The following SYT16 variants were observed in gnomAD, a reference collection of about 807,000 sequenced individuals.
SYT16 encodes the protein synaptotagmin-16.
Under a neutral mutation model 61.4 loss-of-function variants are expected in SYT16, and 42 were observed. The observed-to-expected ratio is 0.68, with a 90% confidence interval of 0.53 to 0.89. The LOEUF is 0.89. Among genes scored for constraint, SYT16 ranks in the 40% least tolerant of loss-of-function variants. SYT16 has a pLI of 0.00. For missense variants in SYT16, 804 were observed against 807.3 expected (o/e 1.00, Z 0.05); for synonymous variants, 314 against 302.3 (o/e 1.04, Z -0.40).
chr14:61,835,276 G>C (rs1247157708), intron 1 of SYT16, among the ~76,000 whole-genome samples: 1 of 24,750 alleles, frequency 4.0e-5, no homozygotes, highest in Admixed American at 3.9e-4. Flanking sequence ...TTTTTTTTTT[G>C]AGACAGAGTC....
At chr14:62,034,954 G>A (rs2054451867) in intron 3 of SYT16, among the ~76,000 whole-genome samples, 2 of 152,180 alleles carry the variant, frequency 1.3e-5, no homozygotes, top group South Asian at 4.1e-4. Context: ...AAGTTTTTCT[G>A]TCTGAGGGTG....
intron 1 of SYT16, chr14:61,864,981 C>G: frequency 7.2e-7 from 1 of 1,382,716 alleles, no homozygotes; most frequent in Non-Finnish European, 1.0e-6. Context: ...AGTCTGGGCC[C>G]CTCTTACAGT....
At chr14:62,012,010 A>C (rs1184744476) in intron 3 of SYT16, among the ~76,000 whole-genome samples, 2 of 117,054 alleles carry the variant, frequency 1.7e-5, no homozygotes, top group East Asian at 7.8e-4. Context: ...TTAAAAAAAA[A>C]ACAACCTCTC....
At chr14:62,010,782 T>G (rs1236708750) in intron 3 of SYT16, among the ~76,000 whole-genome samples, 1 of 152,124 alleles carries the variant, frequency 6.6e-6, no homozygotes, top group Non-Finnish European at 1.5e-5. Flanking sequence ...AAGCAGTATC[T>G]TCTTAAGCTG....
Position 62,069,618 on chromosome 14 carries a change from A to G in SYT16, c.539A>G (p.Asp180Gly). 6.2e-7 allele frequency: 1 copy of G among 1,613,856 alleles called. No homozygotes were observed. Among genetic ancestry groups the G allele is most frequent in the Non-Finnish European group, 8.5e-7 (1 of 1,179,830 alleles). ...TTACTCCCAGTCAACAGCTTTGGGG[A>G]TGACGAAGAGCTGTCCACATCTTCT... ...NGKKQVNSFG[D>G]DEELSTSSDS... The change falls in exon 4 of 8, where the codon GAT (aspartate) becomes GGT (glycine). Residue 180 changes from aspartate to glycine, a missense_variant. Physicochemically the swap from Asp to Gly is moderately conservative, Grantham distance 94. Coordinates refer to ENST00000683842, the MANE Select transcript of SYT16 (RefSeq NM_001367656.1).
chr14:61,814,365 T>C (rs907105898), intron 1 of SYT16, among the ~76,000 whole-genome samples: 7 of 152,200 alleles, frequency 4.6e-5, no homozygotes, highest in Non-Finnish European at 7.3e-5. Flanking sequence ...GATTTGGCCT[T>C]ATTGTGTTAT....
chr14:61,935,135 G>A (rs2049926783), intron 1 of SYT16, among the ~76,000 whole-genome samples: 1 of 151,900 alleles, frequency 6.6e-6, no homozygotes. Context: ...ATTTTACTTG[G>A]GGGCGGCACT....
rs529758498 is a variant in SYT16, at chr14:62,100,563, G to T, written c.1794G>T (p.Arg598Ser). ...CGTTGATGATTTCCGTTTATAACAG[G>T]CGTACTATGAAGCGTAAAGAGATGA... Reference protein sequence around the residue: ...DVTLMISVYNRRTMKRKEMIG... With the variant: ...DVTLMISVYNSRTMKRKEMIG... Residue 598 changes from arginine to serine, a missense_variant, in exon 8 of 8, where the codon AGG becomes AGT. Transcript: ENST00000683842. 6.8e-6 allele frequency: 11 copies of T among 1,613,690 alleles called. No individual in the cohort carries two copies. The highest frequency in any genetic ancestry group is 8.5e-6 in the Non-Finnish European group (10 of 1,179,832).
intron 3 of SYT16, among the ~76,000 whole-genome samples, chr14:62,019,544 A>G (rs117230046): frequency 0.01 from 1,561 of 152,322 alleles, 14 homozygotes; most frequent in Non-Finnish European, 0.015. Flanking sequence ...CAGAATTAGG[A>G]TGAAACAAGC....
At chr14:61,874,550 A>G (rs184035027) in intron 1 of SYT16, among the ~76,000 whole-genome samples, 5 of 152,334 alleles carry the variant, frequency 3.3e-5, no homozygotes, top group African/African-American at 1.2e-4. Flanking sequence ...TTCTTGTGTC[A>G]TCACACGTTT....
At chr14:61,908,221 CA>C (rs2048799079) in intron 1 of SYT16, among the ~76,000 whole-genome samples, 1 of 152,216 alleles carries the variant, frequency 6.6e-6, no homozygotes, top group African/African-American at 2.4e-5. Flanking sequence ...GGTGAACTCA[CA>C]AAGTGTTCCC....
At position 62,081,295 on chromosome 14, in the gene SYT16, T is replaced by C. The variant is rs565864792; in HGVS notation, c.1434+21T>C. ...TAAGCGTGAGTATGTTAAATGGTGC[T>C]GCTAATGATGTGGTGTGTTCGAAGA... On this transcript the variant is annotated intron_variant, in intron 6 of 7. Coordinates refer to ENST00000683842, the MANE Select transcript of SYT16 (RefSeq NM_001367656.1). 3 of 1,601,572 alleles carry C rather than the reference T, an allele frequency of 1.9e-6. No homozygotes were observed. In the East Asian group the frequency reaches 6.7e-5, roughly 36 times the overall value.
rs141952715 is a variant in SYT16 at position 61,823,963 on chromosome 14, C to T, written c.-325+11153C>T. Among the ~76,000 whole-genome samples the T allele has an allele frequency of 3.0e-3, 457 of 152,308 alleles. 1 individual carries two copies. Among genetic ancestry groups the T allele is most frequent in the Non-Finnish European group, 5.4e-3 (367 of 68,014 alleles). On this transcript the variant is annotated intron_variant, in intron 1 of 7. Coordinates refer to ENST00000683842, the MANE Select transcript of SYT16 (RefSeq NM_001367656.1). ...CATGTCCCTTTCTTGAAACTCTGAA[C>T]ACTATTTGTAATCAACTTAAGACTA... is the stretch of plus-strand genomic sequence containing the variant.
At chr14:62,091,861 C>G (rs1240794600) in intron 7 of SYT16, among the ~76,000 whole-genome samples, 2 of 152,198 alleles carry the variant, frequency 1.3e-5, no homozygotes, top group African/African-American at 2.4e-5. Context: ...AACTGGACTT[C>G]ATGTAAGTTC....
intron 3 of SYT16, among the ~76,000 whole-genome samples, chr14:62,050,857 C>G (rs1019249852): frequency 1.1e-4 from 16 of 152,144 alleles, no homozygotes; most frequent in African/African-American, 3.6e-4. Flanking sequence ...GAGTACCCAG[C>G]CATGTGAGGT....
intron 1 of SYT16, among the ~76,000 whole-genome samples, chr14:61,906,570 T>C (rs2048717387): frequency 1.3e-5 from 2 of 152,184 alleles, no homozygotes; most frequent in African/African-American, 4.8e-5. Flanking sequence ...TATTTGTAAA[T>C]CATCTCCTAT....
At chr14:61,899,976 T>C (rs1454267560) in intron 1 of SYT16, among the ~76,000 whole-genome samples, 2 of 152,154 alleles carry the variant, frequency 1.3e-5, no homozygotes. Flanking sequence ...GCAAGAAATA[T>C]AGGTCTTATT....
intron 2 of SYT16, among the ~76,000 whole-genome samples, chr14:61,992,004 G>A (rs1043351971): frequency 1.3e-5 from 2 of 151,946 alleles, no homozygotes; most frequent in Non-Finnish European, 2.9e-5. Flanking sequence ...AACATGGAGA[G>A]CCCCTGCCCT....
chr14:62,094,812 C>T (rs1337961715), intron 7 of SYT16, among the ~76,000 whole-genome samples: 5 of 151,930 alleles, frequency 3.3e-5, no homozygotes, highest in Non-Finnish European at 7.4e-5. Context: ...GGAGAGATGT[C>T]AATAGGCTCT....
Sources: allele counts gnomAD v4.1 joint callset (sites outside exome capture counted in the v4.1 genomes callset), GRCh38; gene constraint gnomAD v4.1.1; transcripts MANE v1.5; gene names NCBI Gene and HGNC (gene_info 2026-07-23, HGNC 2026-07-21).